The following TECPR1 variants were observed in gnomAD, a reference collection of about 807,000 sequenced individuals.
The protein encoded by TECPR1 is tectonin beta-propeller repeat containing 1.
In TECPR1, 122 loss-of-function variants were observed where a neutral mutation model predicts 162.4. The ratio of observed to expected loss-of-function variants is 0.75; its 90% confidence interval spans 0.65 to 0.87. The LOEUF (loss-of-function observed/expected upper bound fraction) is 0.87. TECPR1 is among the 40% of genes least tolerant of loss of function. The pLI, the probability that TECPR1 is intolerant of heterozygous loss-of-function variation, is 0.00. For missense variants in TECPR1, 1,432 were observed against 1,618.2 expected (o/e 0.88, Z 1.97); for synonymous variants, 642 against 670.6 (o/e 0.96, Z 0.66).
chr7:98,227,778 T>C (rs956387738), intron 17 of TECPR1, among the ~76,000 whole-genome samples: 9 of 133,882 alleles, frequency 6.7e-5, no homozygotes, highest in Non-Finnish European at 9.2e-5. Context: ...GCTGAGATCA[T>C]GCCATGGCAC....
chr7:98,231,717 T>TG (rs1798446066), intron 13 of TECPR1, 87 bp downstream of exon 13: 2 of 1,220,778 alleles, frequency 1.6e-6, no homozygotes, highest in South Asian at 2.8e-5. Context: ...ACCCCTCCCC[T>TG]GGGCACCCCC....
At chr7:98,229,712 C>T (rs758373364) in intron 15 of TECPR1, among the ~76,000 whole-genome samples, 9 of 152,190 alleles carry the variant, frequency 5.9e-5, no homozygotes, top group African/African-American at 1.7e-4. Context: ...CAGCCTCCTG[C>T]GGCCGAGGCC....
intron 17 of TECPR1, 102 bp from the exon 18 acceptor site, chr7:98,225,204 C>G: frequency 8.7e-7 from 1 of 1,150,018 alleles, no homozygotes; most frequent in Non-Finnish European, 1.3e-6. Context: ...GAGCTCCAGT[C>G]TCAGAGCCAG....
chr7:98,240,927 G>A lies in TECPR1; in HGVS notation c.857C>T (p.Pro286Leu). 1.9e-6 allele frequency: 3 copies of A among 1,608,680 alleles called. No individual in the cohort carries two copies. The highest frequency in any genetic ancestry group is 2.5e-6 in the Non-Finnish European group (3 of 1,178,594). The stretch of plus-strand genomic sequence containing the variant: ...CATGACCCCGTTTTCAGATCCAGGA[G>A]GCTCCACGATGGACCAGGAACTTCC... ...PKGSSWSIVE[P>L]PGSENGVMHI... Residue 286 changes from proline (P) to leucine (L), a missense_variant, in exon 8 of 26, where the codon CCT becomes CTT. By Grantham distance (98) the Pro-to-Leu change is moderately conservative. Transcript: ENST00000447648.
rs1167786495 is a variant in TECPR1, at chr7:98,240,930, T to G, written c.854A>C (p.Glu285Ala). ...NPKGSSWSIV[E>A]PPGSENGVMH... ...GACCCCGTTTTCAGATCCAGGAGGCTCCACGATGGACCAGGAACTTCCTAC... is the reference window on the plus strand; with the variant it reads ...GACCCCGTTTTCAGATCCAGGAGGCGCCACGATGGACCAGGAACTTCCTAC... Residue 285 changes from glutamate (E) to alanine (A), a missense_variant, in exon 8 of 26, where the codon GAG becomes GCG. Glu to Ala is a moderately radical substitution (Grantham distance 107). Transcript: ENST00000447648. 1 of 1,605,764 alleles carries G rather than the reference T, an allele frequency of 6.2e-7. No homozygotes were observed. The highest frequency in any genetic ancestry group is 1.1e-5 in the South Asian group (1 of 89,470).
chr7:98,228,896 A>C (rs1221979218), intron 16 of TECPR1, 143 bp downstream of exon 16: 1 of 1,203,646 alleles, frequency 8.3e-7, no homozygotes, highest in Non-Finnish European at 1.1e-6. Flanking sequence ...GGAGGCTGGC[A>C]GTGGTGAAGG....
intron 17 of TECPR1, among the ~76,000 whole-genome samples, chr7:98,226,258 T>C (rs1391900861): frequency 6.6e-6 from 1 of 152,234 alleles, no homozygotes; most frequent in Non-Finnish European, 1.5e-5. Flanking sequence ...GGAAATATTT[T>C]GGCGATGTGT....
chr7:98,226,063 C>T (rs760804167), intron 17 of TECPR1, among the ~76,000 whole-genome samples: 1 of 152,162 alleles, frequency 6.6e-6, no homozygotes, highest in African/African-American at 2.4e-5. Context: ...AGCTGGGGCA[C>T]GCATTTGTGT....
intron 2 of TECPR1, among the ~76,000 whole-genome samples, chr7:98,247,277 A>G (rs1798936605): frequency 1.3e-5 from 2 of 151,700 alleles, no homozygotes. Context: ...TGGGACAACA[A>G]CAGACATGCA....
chr7:98,231,391 G>A lies in TECPR1; in HGVS notation c.1975-18C>T, dbSNP rs368176188. On this transcript the variant is annotated intron_variant, in intron 13 of 25. Transcript: ENST00000447648. ...TGGATGTACTGTTCACAGAACAGGC[G>A]CCCGGCAGGGCTGTCACCCAGGGCA... is the stretch of plus-strand genomic sequence containing the variant. 128 of 1,576,794 alleles carry A rather than the reference G, an allele frequency of 8.1e-5. No homozygotes were observed. The highest frequency in any genetic ancestry group is 2.3e-4 in the African/African-American group (17 of 74,038).
At position 98,244,887 on chromosome 7, in the gene TECPR1, C is replaced by T. The variant is rs772902819; in HGVS notation, c.406G>A (p.Gly136Arg). The change falls in exon 4 of 26, where the codon GGG becomes AGG. Residue 136 changes from glycine to arginine, a missense_variant and splice_region_variant. Gly to Arg is a moderately radical substitution (Grantham distance 125). Coordinates refer to ENST00000447648, the MANE Select transcript of TECPR1 (RefSeq NM_015395.3). Reference protein sequence around the residue: ...ENFGGEPTEKGGWTYAIDFPA... With the variant: ...ENFGGEPTEKRGWTYAIDFPA... Reference sequence around the variant, plus strand: ...TGGAGGGTCCCAAGTTCACCTACCCCTTTCTCAGTGGGTTCACCTCCAAAA... The same window carrying T: ...TGGAGGGTCCCAAGTTCACCTACCCTTTTCTCAGTGGGTTCACCTCCAAAA... The T allele has an allele frequency of 5.6e-6, 9 of 1,612,900 alleles. No homozygotes were observed. The African/African-American group carries it at 6.7e-5, about 12-fold the overall frequency.
At position 98,216,320 on chromosome 7, in the gene TECPR1, C is replaced by G. The variant is rs552222702; in HGVS notation, c.*1070G>C. 1.3e-5 allele frequency: 2 copies of G among 152,426 alleles called. No homozygotes were observed. Among genetic ancestry groups the G allele is most frequent in the South Asian group, 2.1e-4 (1 of 4,830 alleles). 9.4% of individuals were successfully genotyped at this position (152,426 alleles called of 1,614,324 possible). A position where few individuals can be genotyped will look rare whatever the true frequency, so the allele number is the denominator to read the frequency against. On this transcript the variant is annotated 3_prime_UTR_variant, in exon 26 of 26. Coordinates refer to ENST00000447648, the MANE Select transcript of TECPR1 (RefSeq NM_015395.3). ...AGTAGTACTGCTCCCCACAGAAGCC[C>G]GCAGTCTGCACCCTCCTACAACATG...
intron 2 of TECPR1, among the ~76,000 whole-genome samples, chr7:98,250,537 C>T (rs1394137288): frequency 2.0e-5 from 3 of 152,124 alleles, no homozygotes; most frequent in Non-Finnish European, 4.4e-5. Context: ...ACTTGGGAGG[C>T]TGAGGCAGGA....
rs1170411891 is a variant in TECPR1 at position 98,232,918 on chromosome 7, G to A, written c.1727C>T (p.Ala576Val). 16 of 1,612,836 alleles carry A rather than the reference G, an allele frequency of 9.9e-6. No homozygotes were observed. The highest frequency in any genetic ancestry group is 1.4e-5 in the Non-Finnish European group (16 of 1,179,810). ...LSLSITPAQT[A>V]AWRKQIFQQL... ...CTGGAAGATCTGCTTCCTCCAGGCA[G>A]CGGTCTGGGCCGGCGTGATGGACAG... Residue 576 changes from alanine (A) to valine (V), a missense_variant, in exon 12 of 26, where the codon GCT (alanine) becomes GTT (valine). Transcript: ENST00000447648. This position sits in a 1 kb window ranked among gnomAD's most constrained non-coding sequence, Gnocchi z 4.6.
intron 17 of TECPR1, 79 bp downstream of exon 17, chr7:98,227,935 G>A: frequency 8.4e-7 from 1 of 1,190,734 alleles, no homozygotes; most frequent in Non-Finnish European, 1.2e-6. Context: ...CCACGCTACG[G>A]TGGATGTTGC....
Position 98,231,070 on chromosome 7 carries a change from G to A in TECPR1, c.2173C>T (p.Arg725Cys), listed in dbSNP as rs765869978. 13 of 1,608,796 alleles carry A rather than the reference G, an allele frequency of 8.1e-6. No individual in the cohort carries two copies. The highest frequency in any genetic ancestry group is 1.3e-5 in the African/African-American group (1 of 74,872). The change falls in exon 15 of 26, where the codon CGC becomes TGC. Residue 725 changes from arginine (R) to cysteine (C), a missense_variant. Transcript: ENST00000447648. Reference sequence around the variant, plus strand: ...GACCAGATGGCCTGCGGGGACGGGCGGCCCTGCACCTTCCGGCTCTCGCAG... The same window carrying A: ...GACCAGATGGCCTGCGGGGACGGGCAGCCCTGCACCTTCCGGCTCTCGCAG... ...SCCESRKVQG[R>C]PSPQAIWSIT...
chr7:98,233,285 A>G, intron 11 of TECPR1, 136 bp downstream of exon 11: 5 of 1,193,090 alleles, frequency 4.2e-6, no homozygotes, highest in Non-Finnish European at 5.5e-6. Context: ...CCTGGCTCAG[A>G]GCTGCTGAGC....
intron 8 of TECPR1, among the ~76,000 whole-genome samples, 177 bp from the exon 9 acceptor site, chr7:98,238,787 A>G (rs984254207): frequency 3.3e-5 from 5 of 152,148 alleles, no homozygotes; most frequent in African/African-American, 9.7e-5. Context: ...CGCTCTTCCC[A>G]CACCCTGACC....
intron 17 of TECPR1, among the ~76,000 whole-genome samples, chr7:98,227,654 C>G (rs1302352839): frequency 6.6e-6 from 1 of 151,512 alleles, no homozygotes; most frequent in Admixed American, 6.6e-5. Flanking sequence ...AACCCTGTCT[C>G]TACTAACAAT....
Sources: gnomAD v4.1 joint callset for allele counts (sites outside exome capture counted in the v4.1 genomes callset) on GRCh38, gnomAD v4.1.1 for gene constraint, Gnocchi (gnomAD v3.1) non-coding constraint, MANE v1.5 for transcripts, NCBI Gene and HGNC (gene_info 2026-07-23, HGNC 2026-07-21) for gene names.